ACTA2: variants seen among roughly 807,000 people sequenced by gnomAD.
ACTA2 encodes the protein actin, aortic smooth muscle.
Under a neutral mutation model 39.5 loss-of-function variants are expected in ACTA2, and 12 were observed. The observed-to-expected ratio is 0.30, with a 90% confidence interval of 0.19 to 0.49. The LOEUF (loss-of-function observed/expected upper bound fraction) is 0.49. ACTA2 is among the 20% of genes least tolerant of loss of function. The probability of loss-of-function intolerance (pLI) is 0.99; values close to 1 mark genes in which losing one functional copy is unlikely to be tolerated. For synonymous variants in ACTA2, 158 were observed against 180.6 expected, an observed-to-expected ratio of 0.88 and a Z score of 1.00; for missense variants, 236 against 498.8, an observed-to-expected ratio of 0.47 and a Z score of 5.02.
intron 1 of ACTA2, among the ~76,000 whole-genome samples, chr10:88,988,417 T>G (rs960180466): frequency 4.6e-4 from 2 of 4,388 alleles, no homozygotes; most frequent in Non-Finnish European, 7.0e-4. Context: ...GATGTAGAAG[T>G]TTTTTTTTTT....
chr10:88,951,249 T>G (rs1285343111), intron 1 of ACTA2, among the ~76,000 whole-genome samples: 9 of 152,164 alleles, frequency 5.9e-5, no homozygotes, highest in Admixed American at 5.9e-4. Flanking sequence ...CCCCAGGGGA[T>G]AAGCAGGCAC....
At chr10:88,952,993 C>T (rs1405967866), upstream of ACTA2, among the ~76,000 whole-genome samples, 1 of 152,246 alleles carries the variant, frequency 6.6e-6, no homozygotes, top group Non-Finnish European at 1.5e-5. Context: ...GGTTCAGCCG[C>T]CTGTGGGAGA....
intron 1 of ACTA2, among the ~76,000 whole-genome samples, chr10:88,966,389 G>T (rs941779788): frequency 2.6e-5 from 4 of 152,174 alleles, no homozygotes; most frequent in African/African-American, 9.6e-5. Flanking sequence ...CTGATTGTCT[G>T]TGTGGCTTTG....
At chr10:88,981,725 G>A (rs1846717549) in intron 1 of ACTA2, among the ~76,000 whole-genome samples, 2 of 152,128 alleles carry the variant, frequency 1.3e-5, no homozygotes, top group African/African-American at 2.4e-5. Context: ...ATAAAAGATT[G>A]GGCAAAGTAA....
intron 6 of ACTA2, chr10:88,940,346 A>G (rs567396889): frequency 6.4e-6 from 1 of 157,036 alleles, no homozygotes; most frequent in East Asian, 1.9e-4. Context: ...GCTATTAATT[A>G]TATCTGAGGC....
rs7895496 is a variant in ACTA2, at chr10:88,939,229, G to A, written c.808+278C>T. On this transcript the variant is annotated intron_variant, in intron 7 of 8. Coordinates refer to ENST00000224784, the MANE Select transcript of ACTA2 (RefSeq NM_001613.4). ...TCAGCACACCCTTGCTACCCTTTCC[G>A]CTGTCTCCAAAGCACAGGCATTATT... Among the ~76,000 whole-genome samples, 3,331 of 152,134 alleles carry A rather than the reference G, an allele frequency of 0.022. 130 individuals carry two copies. The highest frequency in any genetic ancestry group is 0.077 in the African/African-American group (3,180 of 41,478).
intron 1 of ACTA2, among the ~76,000 whole-genome samples, chr10:88,985,877 G>A (rs745321646): frequency 1.1e-4 from 17 of 152,202 alleles, no homozygotes; most frequent in Non-Finnish European, 2.5e-4. Context: ...CTTTCCAGAA[G>A]TATAATGCCC....
At chr10:88,945,116 T>C (rs941748159) in intron 3 of ACTA2, among the ~76,000 whole-genome samples, 2 of 152,194 alleles carry the variant, frequency 1.3e-5, no homozygotes, top group African/African-American at 4.8e-5. Context: ...TCTCTCTTCG[T>C]CCCCACCAGA....
At chr10:88,967,376 T>G (rs1023901286) in intron 1 of ACTA2, among the ~76,000 whole-genome samples, 7 of 152,120 alleles carry the variant, frequency 4.6e-5, no homozygotes, top group Admixed American at 4.6e-4. Flanking sequence ...CCTTGGCAAA[T>G]CATCTAGCAT....
chr10:88,954,175 ACAGCCATGAC>A (rs1206474891), upstream of ACTA2, among the ~76,000 whole-genome samples: 1 of 152,208 alleles, frequency 6.6e-6, no homozygotes, highest in Non-Finnish European at 1.5e-5. Context: ...GCTTTATTTT[ACAGCCATGAC>A]CAGCTGTTCA....
intron 1 of ACTA2, among the ~76,000 whole-genome samples, chr10:88,959,555 T>A (rs933229756): frequency 7.2e-5 from 11 of 152,218 alleles, no homozygotes; most frequent in Admixed American, 6.5e-4. Context: ...CTTTTCATAT[T>A]AGAATAGAAA....
chr10:88,958,393 C>T (rs565595681), intron 1 of ACTA2, among the ~76,000 whole-genome samples: 10 of 152,296 alleles, frequency 6.6e-5, no homozygotes, highest in Admixed American at 2.6e-4. Context: ...ATTTAATCCT[C>T]ACAGCAGCCA....
chr10:88,949,053 C>A, intron 1 of ACTA2, 100 bp from the exon 2 acceptor site: 1 of 1,147,904 alleles, frequency 8.7e-7, no homozygotes, highest in Non-Finnish European at 1.3e-6. Flanking sequence ...GGGCCCTCCT[C>A]TGTGTCCTAG....
chr10:88,941,393 G>T lies in ACTA2; in HGVS notation c.455-3C>A, dbSNP rs1845848948. Reference sequence around the variant, plus strand: ...ATCTCCAGAGTCCAGCACGATGCCTGGGAGACAATTGGGCGTGATAAGTCA... The same window carrying T: ...ATCTCCAGAGTCCAGCACGATGCCTTGGAGACAATTGGGCGTGATAAGTCA... On this transcript the variant is annotated splice_polypyrimidine_tract_variant and splice_region_variant and intron_variant, in intron 5 of 8. Transcript: ENST00000224784. 1.9e-6 allele frequency: 3 copies of T among 1,613,824 alleles called. No homozygotes were observed. Among genetic ancestry groups the T allele is most frequent in the Non-Finnish European group, 2.5e-6 (3 of 1,179,922 alleles).
At chr10:88,985,054 G>A (rs969985017) in intron 1 of ACTA2, among the ~76,000 whole-genome samples, 1 of 151,958 alleles carries the variant, frequency 6.6e-6, no homozygotes, top group African/African-American at 2.4e-5. Context: ...CGTTGGTGAT[G>A]GTCTTTAGGG....
At chr10:88,942,827 G>A (rs1465020154) in intron 4 of ACTA2, among the ~76,000 whole-genome samples, 1 of 151,926 alleles carries the variant, frequency 6.6e-6, no homozygotes, top group Non-Finnish European at 1.5e-5. Context: ...GTGATTCCCA[G>A]GCCCACAGAT....
intron 1 of ACTA2, among the ~76,000 whole-genome samples, chr10:88,971,823 G>A (rs1011939505): frequency 6.6e-6 from 1 of 152,042 alleles, no homozygotes; most frequent in Non-Finnish European, 1.5e-5. Context: ...ATGCTCTGAT[G>A]GTGAGCAGAT....
chr10:88,946,096 A>AT (rs1220425339), intron 3 of ACTA2, among the ~76,000 whole-genome samples: 2 of 151,726 alleles, frequency 1.3e-5, no homozygotes, highest in Non-Finnish European at 2.9e-5. Context: ...AGGCAAGGAC[A>AT]TTTTTTTCCT....
intron 7 of ACTA2, chr10:88,938,503 C>T: frequency 2.1e-6 from 1 of 469,822 alleles, no homozygotes; most frequent in South Asian, 2.1e-5. Flanking sequence ...AATAGACTCA[C>T]TACTCACTCC....
Sources: gnomAD v4.1 joint callset for allele counts (sites outside exome capture counted in the v4.1 genomes callset) on GRCh38, gnomAD v4.1.1 for gene constraint, MANE v1.5 for transcripts, NCBI Gene and HGNC (gene_info 2026-07-23, HGNC 2026-07-21) for gene names.